The following GPA33 variants were observed in gnomAD, a reference collection of about 807,000 sequenced individuals.
GPA33 encodes glycoprotein A33, also known as cell surface A33 antigen.
Under a neutral mutation model 35.6 loss-of-function variants are expected in GPA33, and 27 were observed. The observed-to-expected ratio is 0.76, with a 90% CI of 0.56 to 1.04. The LOEUF is 1.04. Among genes scored for constraint, GPA33 ranks in the 50% least tolerant of loss-of-function variants. The pLI is 0.00. For missense variants in GPA33, 428 were observed against 411.9 expected (o/e 1.04, Z -0.34); for synonymous variants, 176 against 164.0 (o/e 1.07, Z -0.56).
At chr1:167,055,220 G>A in intron 5 of GPA33, 109 bp from the exon 6 acceptor site, 1 of 1,050,732 alleles carries the variant, frequency 9.5e-7, no homozygotes, top group Non-Finnish European at 1.4e-6. Flanking sequence ...TCCATGAAAG[G>A]CATGGTCTTG....
chr1:167,087,273 C>A (rs1278402729), intron 1 of GPA33, among the ~76,000 whole-genome samples: 1 of 151,908 alleles, frequency 6.6e-6, no homozygotes, highest in African/African-American at 2.4e-5. Flanking sequence ...TTACATTCCC[C>A]CACAGTAATA....
chr1:167,059,289 T>C (rs940053577), intron 4 of GPA33, among the ~76,000 whole-genome samples: 2 of 152,210 alleles, frequency 1.3e-5, no homozygotes, highest in East Asian at 3.9e-4. Context: ...TAGTAATTTC[T>C]GATATCCGGA....
At chr1:167,082,100 T>A (rs1666961040) in intron 1 of GPA33, 1 of 371,710 alleles carries the variant, frequency 2.7e-6, no homozygotes, top group African/African-American at 2.1e-5. Context: ...CAATTCACGG[T>A]GTTGGACTGC....
chr1:167,088,581 C>A (rs529896950), intron 1 of GPA33, among the ~76,000 whole-genome samples: 1 of 152,296 alleles, frequency 6.6e-6, no homozygotes, highest in South Asian at 2.1e-4. Flanking sequence ...AAGACTCGTT[C>A]TGCTGGGTGA....
intron 1 of GPA33, among the ~76,000 whole-genome samples, chr1:167,087,688 G>A (rs1037904874): frequency 1.3e-4 from 20 of 151,972 alleles, no homozygotes; most frequent in African/African-American, 4.4e-4. Flanking sequence ...AGGCTGAGGC[G>A]GGCTTATTGC....
intron 4 of GPA33, 45 bp downstream of exon 4, chr1:167,063,537 T>A (rs1407636408): frequency 6.5e-7 from 1 of 1,549,900 alleles, no homozygotes; most frequent in African/African-American, 1.4e-5. Flanking sequence ...GCTGCATGTG[T>A]TGCACTTTGA....
intron 1 of GPA33, among the ~76,000 whole-genome samples, chr1:167,074,018 C>T (rs1239468919): frequency 1.3e-5 from 2 of 151,264 alleles, no homozygotes; most frequent in African/African-American, 2.4e-5. Flanking sequence ...ATTTATGGAA[C>T]ATTTGTATGT....
intron 6 of GPA33, among the ~76,000 whole-genome samples, chr1:167,054,699 C>A (rs534189955): frequency 1.3e-5 from 2 of 152,274 alleles, no homozygotes; most frequent in Middle Eastern, 3.4e-3. Flanking sequence ...CCAGGAGGAA[C>A]TGGCCCCGTG....
At chr1:167,058,826 G>T (rs1328857689) in intron 4 of GPA33, among the ~76,000 whole-genome samples, 1 of 152,228 alleles carries the variant, frequency 6.6e-6, no homozygotes, top group East Asian at 1.9e-4. Flanking sequence ...CTACAATGCT[G>T]TTGAGCACTG....
chr1:167,062,666 T>TTTTA (rs1666484469), intron 4 of GPA33, among the ~76,000 whole-genome samples: 1 of 147,604 alleles, frequency 6.8e-6, no homozygotes, highest in Non-Finnish European at 1.5e-5. Context: ...TTTTTTTTTT[T>TTTTA]TCAGTTTCCT....
At chr1:167,056,659 TACG>T (rs1666275854) in intron 4 of GPA33, among the ~76,000 whole-genome samples, 2 of 25,132 alleles carry the variant, frequency 8.0e-5, no homozygotes, top group Admixed American at 4.1e-4. Context: ...GTGTGTGTGG[TACG>T]GTGAGTGTGT....
intron 1 of GPA33, among the ~76,000 whole-genome samples, chr1:167,089,885 A>C (rs79579220): frequency 0.015 from 2,257 of 151,878 alleles, 45 homozygotes; most frequent in African/African-American, 0.051. Flanking sequence ...CTAGATAATG[A>C]ACATATCTAG....
intron 2 of GPA33, among the ~76,000 whole-genome samples, chr1:167,070,306 G>A (rs895565126): frequency 6.6e-6 from 1 of 152,214 alleles, no homozygotes; most frequent in Non-Finnish European, 1.5e-5. Context: ...TAGCAATAAA[G>A]ATCATAGCTG....
intron 4 of GPA33, among the ~76,000 whole-genome samples, chr1:167,061,586 G>GTTTTTTT (rs397981830): frequency 5.4e-5 from 4 of 74,650 alleles, no homozygotes; most frequent in African/African-American, 1.1e-4. Flanking sequence ...TCTACTAACT[G>GTTTTTTT]TTTTTTTTTT....
intron 1 of GPA33, among the ~76,000 whole-genome samples, chr1:167,082,719 C>G (rs1666975810): frequency 2.0e-5 from 3 of 152,194 alleles, no homozygotes; most frequent in South Asian, 2.1e-4. Flanking sequence ...GGCGTGAGCT[C>G]TAGCCAACAG....
At chr1:167,087,787 A>G (rs1667083817) in intron 1 of GPA33, among the ~76,000 whole-genome samples, 1 of 151,916 alleles carries the variant, frequency 6.6e-6, no homozygotes, top group Non-Finnish European at 1.5e-5. Context: ...ATGGTGGTGC[A>G]TGCCTGTAAT....
At chr1:167,083,144 C>T (rs760052653) in intron 1 of GPA33, among the ~76,000 whole-genome samples, 1 of 152,190 alleles carries the variant, frequency 6.6e-6, no homozygotes, top group Non-Finnish European at 1.5e-5. Flanking sequence ...CACAGAAGCT[C>T]CTGCTAAAAT....
At chr1:167,086,542 C>T (rs35607776) in intron 1 of GPA33, among the ~76,000 whole-genome samples, 2 of 152,144 alleles carry the variant, frequency 1.3e-5, no homozygotes, top group Non-Finnish European at 2.9e-5. Flanking sequence ...GTGATCCACA[C>T]GAACATGGCA....
Position 167,056,793 on chromosome 1 carries a change from G to GT in GPA33, c.572-945_572-944insA, listed in dbSNP as rs1431709175. 4.6e-3 allele frequency among the ~76,000 whole-genome samples: 159 copies of GT among 34,530 alleles called. 1 individual carries two copies. Among genetic ancestry groups the GT allele is most frequent in the East Asian group, 0.013 (13 of 1,036 alleles). 22.7% of individuals were successfully genotyped at this position (34,530 alleles called of 152,430 possible). A position where few individuals can be genotyped will look rare whatever the true frequency, so the allele number is the denominator to read the frequency against. On this transcript the variant is annotated intron_variant, in intron 4 of 6. Coordinates refer to ENST00000367868, the MANE Select transcript of GPA33 (RefSeq NM_005814.3). The stretch of plus-strand genomic sequence containing the variant: ...GTGTGTGTGGCATGTGTAGTGTGGT[G>GT]CGTGTGGTGTGGTGTGTATGTGGCA...
Sources: gnomAD v4.1 joint callset for allele counts (sites outside exome capture counted in the v4.1 genomes callset) on GRCh38, gnomAD v4.1.1 for gene constraint, MANE v1.5 for transcripts, NCBI Gene and HGNC (gene_info 2026-07-23, HGNC 2026-07-21) for gene names.